Variants in TTC8 observed in about 807,000 individuals in gnomAD.
TTC8 encodes the protein tetratricopeptide repeat protein 8.
TTC8 carries 47 observed loss-of-function variants against 72.5 expected under a neutral mutation model. That is an observed-to-expected ratio of 0.65 (90% CI 0.51 to 0.83). The LOEUF is 0.83. Among genes scored for constraint, TTC8 ranks in the 40% least tolerant of loss-of-function variants. The pLI, the probability that TTC8 is intolerant of heterozygous loss-of-function variation, is 0.00. For synonymous variants in TTC8, 199 were observed against 221.4 expected (o/e 0.90, Z 0.90); for missense variants, 611 against 623.2 (o/e 0.98, Z 0.21).
At chr14:88,851,441 T>G (rs1218935343) in intron 7 of TTC8, among the ~76,000 whole-genome samples, 1 of 152,148 alleles carries the variant, frequency 6.6e-6, no homozygotes, top group Non-Finnish European at 1.5e-5. Context: ...CTTGGGAAGT[T>G]AGAAGACATA....
chr14:88,853,135 G>T, intron 8 of TTC8, 79 bp downstream of exon 8: 1 of 1,028,604 alleles, frequency 9.7e-7, no homozygotes, highest in Non-Finnish European at 1.5e-6. Flanking sequence ...TTGAGGGGGG[G>T]GAGATTTTCC....
chr14:88,857,846 G>C (rs1011646167), intron 9 of TTC8, among the ~76,000 whole-genome samples: 7 of 152,142 alleles, frequency 4.6e-5, no homozygotes, highest in African/African-American at 1.4e-4. Context: ...AGGGTCCCTT[G>C]GTGGTTAGGA....
chr14:88,860,212 C>T (rs918091513), intron 9 of TTC8, among the ~76,000 whole-genome samples: 10 of 151,696 alleles, frequency 6.6e-5, no homozygotes, highest in Admixed American at 2.6e-4. Flanking sequence ...TCATCTCAAA[C>T]TTTAATGATA....
At chr14:88,847,585 C>G (rs1223368367) in intron 7 of TTC8, among the ~76,000 whole-genome samples, 2 of 151,914 alleles carry the variant, frequency 1.3e-5, no homozygotes, top group African/African-American at 4.8e-5. Flanking sequence ...GAAAATTTGT[C>G]TGGGGACTTT....
At chr14:88,873,636 T>C (rs747978380) in intron 13 of TTC8, among the ~76,000 whole-genome samples, 5 of 152,174 alleles carry the variant, frequency 3.3e-5, no homozygotes, top group Non-Finnish European at 7.3e-5. Context: ...TTTGAAGGGA[T>C]TGTTTGTGAG....
At chr14:88,862,216 T>G (rs1339398652) in intron 10 of TTC8, among the ~76,000 whole-genome samples, 1 of 152,068 alleles carries the variant, frequency 6.6e-6, no homozygotes, top group East Asian at 1.9e-4. Flanking sequence ...TGGTTTTGAT[T>G]TACATTTCCC....
chr14:88,824,488 A>C, upstream of TTC8: 1 of 576,250 alleles, frequency 1.7e-6, no homozygotes. Context: ...GTAGCCTTTA[A>C]AAGTAGACAT....
At chr14:88,840,987 C>CT (rs1340040515) in intron 4 of TTC8, 50 bp from the exon 5 acceptor site, 2 of 1,613,760 alleles carry the variant, frequency 1.2e-6, no homozygotes, top group Non-Finnish European at 1.7e-6. Flanking sequence ...GTATGAGAGT[C>CT]TTTCCTCAAA....
chr14:88,839,350 A>C, intron 2 of TTC8, 102 bp from the exon 3 acceptor site: 1 of 1,224,882 alleles, frequency 8.2e-7, no homozygotes, highest in Non-Finnish European at 1.1e-6. Flanking sequence ...AACATGTTTA[A>C]TATAAAATGA....
At chr14:88,866,881 A>G (rs2094912454) in intron 10 of TTC8, among the ~76,000 whole-genome samples, 1 of 152,168 alleles carries the variant, frequency 6.6e-6, no homozygotes, top group South Asian at 2.1e-4. Flanking sequence ...GACAAAAGAT[A>G]GGATAGGATA....
intron 8 of TTC8, among the ~76,000 whole-genome samples, chr14:88,853,459 TA>T (rs1205455104): frequency 1.3e-5 from 2 of 152,216 alleles, no homozygotes; most frequent in African/African-American, 4.8e-5. Flanking sequence ...AAACACTTCA[TA>T]GTTAAGAGAT....
At chr14:88,857,438 C>A (rs972672781) in intron 9 of TTC8, among the ~76,000 whole-genome samples, 161 bp downstream of exon 9, 7 of 151,976 alleles carry the variant, frequency 4.6e-5, no homozygotes, top group East Asian at 1.9e-4. Context: ...AAAATGAGAA[C>A]GTATAGAGGG....
chr14:88,831,970 C>G lies in TTC8; in HGVS notation c.115-1723C>G, dbSNP rs2094727984. Among the ~76,000 whole-genome samples the G allele has an allele frequency of 2.0e-5, 3 of 152,198 alleles. No homozygotes were observed. The South Asian group carries it at 6.2e-4, about 32-fold the overall frequency. On this transcript the variant is annotated intron_variant, in intron 1 of 14. Transcript: ENST00000380656. ...GACACATTGTATTGTAATTTAGGTGCCTCCCCCTCTAGAATGTTGTGGAAT... is the reference window on the plus strand; with the variant it reads ...GACACATTGTATTGTAATTTAGGTGGCTCCCCCTCTAGAATGTTGTGGAAT...
intron 6 of TTC8, 32 bp from the exon 7 acceptor site, chr14:88,843,774 C>G (rs1170198971): frequency 1.3e-6 from 2 of 1,540,696 alleles, no homozygotes; most frequent in Non-Finnish European, 1.8e-6. Flanking sequence ...AAAAAAAAAT[C>G]TAACGTATTT....
In TTC8 at chr14:88,870,174, C is replaced by T. The variant is rs1292062789; in HGVS notation, c.1025C>T (p.Pro342Leu). The T allele has an allele frequency of 1.2e-6, 2 of 1,614,052 alleles. No homozygotes were observed. The highest frequency in any genetic ancestry group is 3.3e-5 in the Admixed American group (2 of 60,010). The change falls in exon 11 of 15, where the codon CCA becomes CTA. Residue 342 changes from proline to leucine, a missense_variant. Pro to Leu is a moderately conservative substitution (Grantham distance 98, BLOSUM62 -3). Transcript: ENST00000380656. ...AGCAACCACTTCTATTCTGATCAGC[C>T]AGAAATAGCTCTCCGGTTTTACAGG... ...IGSNHFYSDQ[P>L]EIALRFYRRL...
intron 1 of TTC8, 85 bp downstream of exon 1, chr14:88,824,906 C>A (rs879569001): frequency 6.8e-6 from 9 of 1,326,268 alleles, no homozygotes; most frequent in African/African-American, 1.5e-5. Flanking sequence ...GTTGGGAGGC[C>A]GGGGAGGAAG....
intron 6 of TTC8, among the ~76,000 whole-genome samples, chr14:88,841,778 A>C (rs1317912504): frequency 6.6e-6 from 1 of 152,212 alleles, no homozygotes; most frequent in African/African-American, 2.4e-5. Flanking sequence ...GCAGGTATGC[A>C]GCATCATCTT....
chr14:88,877,368 A>G lies in TTC8; in HGVS notation c.1506A>G (p.Gln502=). ...EAAFPDHVDT[Q]HLIKQLRQHF... ...CATTTCCAGACCATGTGGACACACA[A>G]CATTTAATTAAACAATTAAGGCAGC... The change falls in exon 15 of 15, where the codon CAA becomes CAG. Residue 502 remains glutamine (Q), a synonymous_variant. Transcript: ENST00000380656. 1.2e-6 allele frequency: 2 copies of G among 1,613,844 alleles called. No homozygotes were observed. Among genetic ancestry groups the G allele is most frequent in the South Asian group, 1.1e-5 (1 of 91,074 alleles).
In TTC8 at chr14:88,861,270, C is replaced by G. The variant is rs1762626834; in HGVS notation, c.847C>G (p.Gln283Glu). 1 of 1,612,856 alleles carries G rather than the reference C, an allele frequency of 6.2e-7. No homozygotes were observed. The highest frequency in any genetic ancestry group is 8.5e-7 in the Non-Finnish European group (1 of 1,179,394). Residue 283 changes from glutamine (Q) to glutamate (E), a missense_variant, in exon 10 of 15, where the codon CAA becomes GAA. Coordinates refer to ENST00000380656, the MANE Select transcript of TTC8 (RefSeq NM_144596.4). The part of the protein sequence containing the change: ...QPVTALNLFK[Q>E]GLDKFPGEVT... ...TGTGACTGCTTTAAATCTTTTCAAA[C>G]AAGGCTTAGATAAGTTTCCAGGAGA...
Sources: allele counts gnomAD v4.1 joint callset (sites outside exome capture counted in the v4.1 genomes callset), GRCh38; gene constraint gnomAD v4.1.1; transcripts MANE v1.5; gene names NCBI Gene and HGNC (gene_info 2026-07-23, HGNC 2026-07-21).